Variants in REV3L observed in about 807,000 individuals in gnomAD.
REV3L encodes DNA polymerase zeta catalytic subunit.
REV3L carries 69 observed loss-of-function variants against 299.4 expected under a neutral mutation model. The observed-to-expected ratio is 0.23, with a 90% CI of 0.19 to 0.28. REV3L has a LOEUF of 0.28. Among genes scored for constraint, REV3L ranks in the 10% least tolerant of loss-of-function variants. REV3L has a pLI of 1.00. For missense variants in REV3L, 3,128 were observed against 3,693.8 expected (o/e 0.85, Z 3.97); for synonymous variants, 1,238 against 1,271.4 (o/e 0.97, Z 0.56).
intron 1 of REV3L, among the ~76,000 whole-genome samples, chr6:111,420,432 C>T (rs1785205229): frequency 6.6e-6 from 1 of 152,138 alleles, no homozygotes; most frequent in South Asian, 2.1e-4. Flanking sequence ...ACTACAGTCA[C>T]CATGCAGTAC....
At chr6:111,450,078 T>C (rs969030055) in intron 1 of REV3L, among the ~76,000 whole-genome samples, 1 of 151,896 alleles carries the variant, frequency 6.6e-6, no homozygotes, top group South Asian at 2.1e-4. Flanking sequence ...AAAATATGAG[T>C]AGAACTAAGA....
At chr6:111,386,019 C>T (rs998414332) in intron 9 of REV3L, among the ~76,000 whole-genome samples, 1 of 152,156 alleles carries the variant, frequency 6.6e-6, no homozygotes, top group African/African-American at 2.4e-5. Context: ...AATGTGACTT[C>T]TGAGTAAAAC....
intron 4 of REV3L, 69 bp from the exon 5 acceptor site, chr6:111,393,041 A>AG: frequency 8.3e-7 from 1 of 1,201,916 alleles, no homozygotes; most frequent in Non-Finnish European, 1.2e-6. Flanking sequence ...TTAGAAGGTA[A>AG]ATTTTTTTTT....
intron 3 of REV3L, among the ~76,000 whole-genome samples, chr6:111,408,921 G>C (rs925737742): frequency 6.6e-6 from 1 of 152,226 alleles, no homozygotes; most frequent in South Asian, 2.1e-4. Context: ...CTGACCTCAC[G>C]TGATCTACCC....
Position 111,299,831 on chromosome 6 carries a change from TAAG to T in REV3L, c.*182_*184del, listed in dbSNP as rs1390430050. Reference sequence around the variant, plus strand: ...GACAGAATGAGGAATTTGTACATTGTAAGAAGTGAGCTATTCAGAGATCAACAA... The same window carrying T: ...GACAGAATGAGGAATTTGTACATTGTAAGTGAGCTATTCAGAGATCAACAA... On this transcript the variant is annotated 3_prime_UTR_variant, in exon 32 of 32. Transcript: ENST00000368802. 5 of 472,336 alleles carry T rather than the reference TAAG, an allele frequency of 1.1e-5. No individual in the cohort carries two copies. Among genetic ancestry groups the T allele is most frequent in the African/African-American group, 1.0e-4 (5 of 49,444 alleles). 29.3% of individuals were successfully genotyped at this position (472,336 alleles called of 1,614,324 possible).
chr6:111,303,351 A>G (rs1212289516), intron 31 of REV3L, among the ~76,000 whole-genome samples: 2 of 133,650 alleles, frequency 1.5e-5, no homozygotes, highest in Admixed American at 1.5e-4. Context: ...TTAAATTTTA[A>G]TTTTTATTAT....
In REV3L at chr6:111,375,115, C is replaced by A. The variant is rs756342039; in HGVS notation, c.3240G>T (p.Arg1080=). 1 of 1,609,832 alleles carries A rather than the reference C, an allele frequency of 6.2e-7. No individual in the cohort carries two copies. The highest frequency in any genetic ancestry group is 1.3e-5 in the African/African-American group (1 of 74,738). The change falls in exon 13 of 32, where the codon CGG becomes CGT. Residue 1080 remains arginine, a synonymous_variant. Transcript: ENST00000368802. The part of the protein sequence containing the change: ...IKRTLSFRKK[R]SHAILSPPSP... ...AGGGAGGAGAAAGAATAGCATGTGACCGTTTTTTCCTGAAAGACAAAGTTC... is the reference window on the plus strand; with the variant it reads ...AGGGAGGAGAAAGAATAGCATGTGAACGTTTTTTCCTGAAAGACAAAGTTC...
At chr6:111,315,675 T>C (rs986950076) in intron 26 of REV3L, 5 of 353,482 alleles carry the variant, frequency 1.4e-5, no homozygotes, top group Non-Finnish European at 2.7e-5. Context: ...AGGCTTTGTA[T>C]GGTACACAAG....
intron 25 of REV3L, among the ~76,000 whole-genome samples, chr6:111,324,022 CAG>C (rs1160296507): frequency 6.6e-5 from 10 of 152,140 alleles, no homozygotes; most frequent in African/African-American, 1.9e-4. Flanking sequence ...TATTTTGAGA[CAG>C]AGTCTCGTTC....
rs773992362 is a variant in REV3L, at chr6:111,376,638, CAGA to C, written c.1714_1716del (p.Ser572del). 2 of 1,612,906 alleles carry C rather than the reference CAGA, an allele frequency of 1.2e-6. No homozygotes were observed. Among genetic ancestry groups the C allele is most frequent in the East Asian group, 2.2e-5 (1 of 44,822 alleles). On this transcript the variant is annotated inframe_deletion, in exon 13 of 32. Transcript: ENST00000368802. ...TGTTTACACTGAAAGGTAATCTTAG[CAGA>C]AGATGAGGGTTCTAATGTAGCAGCA...
At chr6:111,477,364 A>C (rs1793061834) in intron 1 of REV3L, among the ~76,000 whole-genome samples, 1 of 152,214 alleles carries the variant, frequency 6.6e-6, no homozygotes, top group Admixed American at 6.5e-5. Flanking sequence ...ATTTGGAAAA[A>C]CAGATGTTAA....
chr6:111,365,403 A>C (rs1295047580), intron 14 of REV3L, 59 bp from the exon 15 acceptor site: 7 of 986,982 alleles, frequency 7.1e-6, no homozygotes, highest in Non-Finnish European at 1.0e-5. Flanking sequence ...TCTGGTTTTT[A>C]AAAAACCTTT....
intron 1 of REV3L, among the ~76,000 whole-genome samples, chr6:111,482,034 G>A (rs1016774733): frequency 1.3e-5 from 2 of 152,134 alleles, no homozygotes; most frequent in Non-Finnish European, 2.9e-5. Flanking sequence ...TTTAGGTTGG[G>A]CAACATAAAC....
chr6:111,476,931 G>T (rs1793010843), intron 1 of REV3L, among the ~76,000 whole-genome samples: 1 of 151,844 alleles, frequency 6.6e-6, no homozygotes, highest in Admixed American at 6.6e-5. Context: ...TTTGTACATG[G>T]TTTTTTTAAA....
chr6:111,439,067 T>C lies in REV3L; in HGVS notation c.140-22595A>G, dbSNP rs1016362400. Among the ~76,000 whole-genome samples the C allele has an allele frequency of 2.0e-5, 3 of 152,254 alleles. No individual in the cohort carries two copies. The South Asian group carries it at 6.2e-4, about 31-fold the overall frequency. ...GTTGGTGCAAAAGTAACTGTGGTTT[T>C]TGCATTGTTGGAATTTGCTGTTTGA... On this transcript the variant is annotated intron_variant, in intron 1 of 31. Transcript: ENST00000368802.
At chr6:111,357,733 G>GT (rs775442417) in intron 17 of REV3L, among the ~76,000 whole-genome samples, 158 of 152,118 alleles carry the variant, frequency 1.0e-3, no homozygotes, top group Non-Finnish European at 1.8e-3. Context: ...TGAAGAAACT[G>GT]TATTACTTTG....
intron 7 of REV3L, among the ~76,000 whole-genome samples, chr6:111,388,625 T>G (rs895710071): frequency 6.6e-6 from 1 of 152,208 alleles, no homozygotes; most frequent in African/African-American, 2.4e-5. Flanking sequence ...TGGCACCATT[T>G]AGCAATAAAT....
rs1782092421 is a variant in REV3L, at chr6:111,392,987, G to A, written c.566-15C>T. 1 of 1,519,572 alleles carries A rather than the reference G, an allele frequency of 6.6e-7. No individual in the cohort carries two copies. The highest frequency in any genetic ancestry group is 9.1e-7 in the Non-Finnish European group (1 of 1,100,566). The allele number at this position is 1,519,572 out of a possible 1,614,324, so 94.1% of individuals were successfully genotyped here. ...CAATGTATTACCTAGGAATAGAAAGGTAAAAGGAATAAATTCTACTTTCAA... is the reference window on the plus strand; with the variant it reads ...CAATGTATTACCTAGGAATAGAAAGATAAAAGGAATAAATTCTACTTTCAA... On this transcript the variant is annotated splice_polypyrimidine_tract_variant and intron_variant, in intron 4 of 31. Coordinates refer to ENST00000368802, the MANE Select transcript of REV3L (RefSeq NM_001372078.1).
chr6:111,477,597 G>A (rs1490991497), intron 1 of REV3L, among the ~76,000 whole-genome samples: 1 of 152,164 alleles, frequency 6.6e-6, no homozygotes, highest in Non-Finnish European at 1.5e-5. Flanking sequence ...CAACAAGGCT[G>A]GAACAAAAAG....
Sources: allele counts gnomAD v4.1 joint callset (sites outside exome capture counted in the v4.1 genomes callset), GRCh38; gene constraint gnomAD v4.1.1; transcripts MANE v1.5; gene names NCBI Gene and HGNC (gene_info 2026-07-23, HGNC 2026-07-21).